PDLIM5: variants seen among roughly 807,000 people sequenced by gnomAD.
PDLIM5 encodes PDZ and LIM domain 5.
Under a neutral mutation model 64.2 loss-of-function variants are expected in PDLIM5, and 34 were observed. That is an observed-to-expected ratio of 0.53 (90% confidence interval 0.40 to 0.71). The LOEUF is 0.71. PDLIM5 is among the 30% of genes least tolerant of loss of function. PDLIM5 has a pLI of 0.00. For missense variants in PDLIM5, 683 were observed against 733.6 expected (o/e 0.93, Z 0.80); for synonymous variants, 253 against 269.1 (o/e 0.94, Z 0.59).
intron 3 of PDLIM5, among the ~76,000 whole-genome samples, chr4:94,568,031 A>G (rs1229505455): frequency 6.6e-6 from 1 of 152,236 alleles, no homozygotes. Context: ...TTATATCAGT[A>G]TCTGAACATA....
chr4:94,488,650 C>A (rs1461979847), intron 2 of PDLIM5, among the ~76,000 whole-genome samples: 2 of 152,104 alleles, frequency 1.3e-5, no homozygotes, highest in Non-Finnish European at 2.9e-5. Flanking sequence ...AAACACATAT[C>A]CATAAAAACC....
chr4:94,615,540 C>T (rs1415093643), intron 7 of PDLIM5, among the ~76,000 whole-genome samples: 3 of 151,818 alleles, frequency 2.0e-5, no homozygotes, highest in South Asian at 2.1e-4. Flanking sequence ...GAATTGTGGA[C>T]GACAGTAGGG....
intron 3 of PDLIM5, among the ~76,000 whole-genome samples, chr4:94,544,695 G>C (rs1415225163): frequency 1.3e-5 from 2 of 152,132 alleles, no homozygotes; most frequent in Non-Finnish European, 2.9e-5. Context: ...TCACTCTGCT[G>C]CCCAGGCTGG....
At chr4:94,556,137 T>TGAGAGAGAA (rs1391115718) in intron 3 of PDLIM5, among the ~76,000 whole-genome samples, 1 of 146,834 alleles carries the variant, frequency 6.8e-6, no homozygotes, top group African/African-American at 2.5e-5. Context: ...TTCCCACCTA[T>TGAGAGAGAA]GAGTGAGAAC....
At chr4:94,603,377 A>T (rs1440386948) in intron 7 of PDLIM5, among the ~76,000 whole-genome samples, 5 of 152,182 alleles carry the variant, frequency 3.3e-5, no homozygotes, top group African/African-American at 1.2e-4. Flanking sequence ...TTAAATCACT[A>T]GTATAAGTTA....
At chr4:94,590,228 A>C (rs947157703) in intron 7 of PDLIM5, among the ~76,000 whole-genome samples, 1 of 152,216 alleles carries the variant, frequency 6.6e-6, no homozygotes, top group African/African-American at 2.4e-5. Flanking sequence ...TCAGATAGAT[A>C]GACATCTTAG....
Position 94,575,729 on chromosome 4 carries a change from G to GTCTTC in PDLIM5, c.406_410dup (p.Pro138LeufsTer59). On this transcript the variant is annotated frameshift_variant, in exon 5 of 13. Transcript: ENST00000317968. LOFTEE classifies it high-confidence loss of function. ...AGGCACCACGGCCTTTTGGTTCTGT[G>GTCTTC]TCTTCACCAAAAGTCACATCCATCC... 6 of 1,614,058 alleles carry GTCTTC rather than the reference G, an allele frequency of 3.7e-6. No individual in the cohort carries two copies. The highest frequency in any genetic ancestry group is 5.1e-6 in the Non-Finnish European group (6 of 1,179,972).
intron 2 of PDLIM5, among the ~76,000 whole-genome samples, chr4:94,503,767 C>T (rs1728140789): frequency 1.3e-5 from 2 of 152,200 alleles, no homozygotes; most frequent in Admixed American, 6.5e-5. Flanking sequence ...TAACTGTTGA[C>T]CACTCAGAGT....
chr4:94,652,770 A>G (rs1193916146), intron 9 of PDLIM5, among the ~76,000 whole-genome samples: 2 of 152,208 alleles, frequency 1.3e-5, no homozygotes, highest in African/African-American at 4.8e-5. Flanking sequence ...ACTTAAGAGA[A>G]TGATATGTAC....
At position 94,640,340 on chromosome 4, in the gene PDLIM5, A is replaced by T. The variant is rs892857691; in HGVS notation, c.1173A>T (p.Ser391=). 3.1e-6 allele frequency: 5 copies of T among 1,612,820 alleles called. No homozygotes were observed. Among genetic ancestry groups the T allele is most frequent in the Non-Finnish European group, 3.4e-6 (4 of 1,178,904 alleles). ...TYSGSVAPAN[S]ALGQTQPSDQ... ...CAGGATCAGTGGCACCAGCCAACTCAGCTTTGGGACAAACCCAGCCAAGTG... is the reference window on the plus strand; with the variant it reads ...CAGGATCAGTGGCACCAGCCAACTCTGCTTTGGGACAAACCCAGCCAAGTG... The change falls in exon 9 of 13, where the codon TCA becomes TCT. Residue 391 remains serine, a synonymous_variant. Transcript: ENST00000317968.
intron 7 of PDLIM5, among the ~76,000 whole-genome samples, chr4:94,612,879 G>A (rs1738490193): frequency 6.6e-6 from 1 of 150,974 alleles, no homozygotes. Context: ...TATAAATATA[G>A]TATAATAGTT....
chr4:94,478,401 A>C (rs1337621777), intron 2 of PDLIM5, among the ~76,000 whole-genome samples: 1 of 152,108 alleles, frequency 6.6e-6, no homozygotes, highest in African/African-American at 2.4e-5. Context: ...GTTATACATG[A>C]ATCTTCAACT....
chr4:94,654,502 A>G lies in PDLIM5; in HGVS notation c.1326A>G (p.Glu442=), dbSNP rs1237873943. 3 of 1,612,900 alleles carry G rather than the reference A, an allele frequency of 1.9e-6. No homozygotes were observed. The highest frequency in any genetic ancestry group is 2.7e-5 in the African/African-American group (2 of 74,894). ...LVALGKSWHP[E]EFNCAHCKNT... ...CACTGGGGAAATCTTGGCACCCAGA[A>G]GAATTCAACTGCGCTCACTGCAAAA... The change falls in exon 10 of 13, where the codon GAA becomes GAG. Residue 442 remains glutamate (E), a synonymous_variant. Transcript: ENST00000317968.
chr4:94,603,146 G>A (rs1377597666), intron 7 of PDLIM5, among the ~76,000 whole-genome samples: 6 of 152,244 alleles, frequency 3.9e-5, no homozygotes, highest in Middle Eastern at 3.4e-3. Context: ...ATCATAACAG[G>A]TCATTTGGGG....
chr4:94,510,288 G>A (rs973576675), intron 2 of PDLIM5, among the ~76,000 whole-genome samples: 9 of 152,142 alleles, frequency 5.9e-5, no homozygotes, highest in Non-Finnish European at 1.0e-4. Flanking sequence ...AGGTTTTTGA[G>A]AAATACCCAT....
chr4:94,623,923 A>C (rs751235957), intron 8 of PDLIM5, among the ~76,000 whole-genome samples: 19 of 152,254 alleles, frequency 1.2e-4, no homozygotes, highest in Non-Finnish European at 2.2e-4. Context: ...GATCGTGAAC[A>C]TGAGCAGTAC....
At chr4:94,555,443 C>T (rs1198517522) in intron 3 of PDLIM5, among the ~76,000 whole-genome samples, 2 of 152,108 alleles carry the variant, frequency 1.3e-5, no homozygotes. Flanking sequence ...TCTGTATATA[C>T]ATGGAGAAAA....
intron 7 of PDLIM5, among the ~76,000 whole-genome samples, chr4:94,614,003 A>C (rs985149527): frequency 8.2e-6 from 1 of 121,752 alleles, no homozygotes; most frequent in Non-Finnish European, 1.6e-5. Flanking sequence ...TTGCTCTTTC[A>C]CCAGGCTGGA....
chr4:94,457,055 T>G (rs1262037758), intron 2 of PDLIM5: 5 of 893,686 alleles, frequency 5.6e-6, no homozygotes, highest in East Asian at 1.2e-4. Flanking sequence ...TGGTTAATAA[T>G]ATATGTGTAT....
Sources: allele counts gnomAD v4.1 joint callset (sites outside exome capture counted in the v4.1 genomes callset), GRCh38; gene constraint gnomAD v4.1.1; transcripts MANE v1.5; gene names NCBI Gene and HGNC (gene_info 2026-07-23, HGNC 2026-07-21).